Variants in CSGALNACT1 observed in about 807,000 individuals in gnomAD.
CSGALNACT1 encodes the protein chondroitin sulfate N-acetylgalactosaminyltransferase 1, also known as beta4GalNAcT-1.
Under a neutral mutation model 51.0 loss-of-function variants are expected in CSGALNACT1, and 52 were observed. The observed-to-expected ratio is 1.02, with a 90% CI of 0.82 to 1.29. The LOEUF (loss-of-function observed/expected upper bound fraction) is 1.29. Among genes scored for constraint, CSGALNACT1 ranks in the 50% most tolerant of loss-of-function variants. The pLI is 0.00. For synonymous variants in CSGALNACT1, 341 were observed against 254.4 expected, an observed-to-expected ratio of 1.34 and a Z score of -3.24; for missense variants, 935 against 679.2, an observed-to-expected ratio of 1.38 and a Z score of -4.19.
At chr8:19,663,908 G>A (rs2058971498) in intron 1 of CSGALNACT1, among the ~76,000 whole-genome samples, 1 of 152,194 alleles carries the variant, frequency 6.6e-6, no homozygotes, top group South Asian at 2.1e-4. Flanking sequence ...TCAGATGCCA[G>A]ACCCTGGCAG....
At chr8:19,455,948 C>T (rs2063998045) in intron 5 of CSGALNACT1, among the ~76,000 whole-genome samples, 1 of 152,216 alleles carries the variant, frequency 6.6e-6, no homozygotes, top group African/African-American at 2.4e-5. Context: ...ACAAGTCTTC[C>T]GCCACCCATC....
upstream of CSGALNACT1, among the ~76,000 whole-genome samples, chr8:19,606,606 C>G (rs1353392793): frequency 6.6e-6 from 1 of 152,154 alleles, no homozygotes; most frequent in African/African-American, 2.4e-5. Flanking sequence ...AAAAGAGGAT[C>G]TTGGTGTCCT....
chr8:19,674,583 C>T (rs1044271938), intron 1 of CSGALNACT1, among the ~76,000 whole-genome samples: 1 of 152,082 alleles, frequency 6.6e-6, no homozygotes, highest in Non-Finnish European at 1.5e-5. Flanking sequence ...GACCCTACCA[C>T]CGCAGAAGTC....
At chr8:19,514,501 ATATATATATACATG>A (rs2079111938) in intron 3 of CSGALNACT1, among the ~76,000 whole-genome samples, 1 of 137,842 alleles carries the variant, frequency 7.3e-6, no homozygotes. Context: ...ATATATATAT[ATATATATATACATG>A]TATCTATTTA....
chr8:19,655,759 A>T (rs2058217103), intron 1 of CSGALNACT1, among the ~76,000 whole-genome samples: 1 of 152,148 alleles, frequency 6.6e-6, no homozygotes, highest in African/African-American at 2.4e-5. Context: ...GTGAAAAGTG[A>T]AAAATTTTTT....
At chr8:19,485,785 T>TTTTGA (rs869188869) in intron 4 of CSGALNACT1, among the ~76,000 whole-genome samples, 1 of 141,382 alleles carries the variant, frequency 7.1e-6, no homozygotes. Context: ...TTTTTTTTTT[T>TTTTGA]GACAGAGTTT....
intron 4 of CSGALNACT1, among the ~76,000 whole-genome samples, chr8:19,471,770 G>C (rs971594132): frequency 3.3e-5 from 5 of 152,196 alleles, no homozygotes; most frequent in African/African-American, 1.2e-4. Context: ...GCTGAAGTGA[G>C]AAAACTCAAC....
intron 4 of CSGALNACT1, among the ~76,000 whole-genome samples, chr8:19,504,871 G>A (rs1394357686): frequency 6.6e-6 from 1 of 152,184 alleles, no homozygotes; most frequent in Non-Finnish European, 1.5e-5. Context: ...ACCAAGCTCA[G>A]TTACTAGAAG....
At chr8:19,458,519 T>G in exon 5 of CSGALNACT1, 2 of 1,614,204 alleles carry the variant, frequency 1.2e-6, no homozygotes, top group Non-Finnish European at 1.7e-6. Flanking sequence ...GAGCTTTTCA[T>G]TTTTCACTTT....
At chr8:19,712,066 T>C (rs2062541479) in intron 1 of CSGALNACT1, among the ~76,000 whole-genome samples, 1 of 152,006 alleles carries the variant, frequency 6.6e-6, no homozygotes. Flanking sequence ...CGCTCTGTCA[T>C]CCAGGCTGGA....
chr8:19,420,083 G>A (rs1253660694), intron 7 of CSGALNACT1, among the ~76,000 whole-genome samples: 1 of 152,172 alleles, frequency 6.6e-6, no homozygotes, highest in East Asian at 1.9e-4. Context: ...CTTCTTCCAT[G>A]ATTGTGAGGC....
intron 5 of CSGALNACT1, among the ~76,000 whole-genome samples, chr8:19,445,782 T>TA (rs1389867278): frequency 1.3e-5 from 2 of 152,242 alleles, no homozygotes; most frequent in African/African-American, 2.4e-5. Flanking sequence ...TTCCTCTAAA[T>TA]AATTCTGAGT....
chr8:19,750,772 A>T (rs558149998), intron 1 of CSGALNACT1, among the ~76,000 whole-genome samples: 1 of 152,284 alleles, frequency 6.6e-6, no homozygotes, highest in East Asian at 1.9e-4. Context: ...ACCTTCATAG[A>T]ACAGGTGCAT....
At chr8:19,512,158 G>A (rs887766448) in intron 3 of CSGALNACT1, among the ~76,000 whole-genome samples, 2 of 152,310 alleles carry the variant, frequency 1.3e-5, no homozygotes, top group South Asian at 2.1e-4. Flanking sequence ...TGTCTTGGGT[G>A]CCCTCTCTCC....
intron 3 of CSGALNACT1, among the ~76,000 whole-genome samples, chr8:19,565,638 G>A (rs1343676451): frequency 6.6e-6 from 1 of 152,122 alleles, no homozygotes; most frequent in African/African-American, 2.4e-5. Flanking sequence ...AGAACTTCAG[G>A]CCGGGCACAG....
rs544325058 is a variant in CSGALNACT1, at chr8:19,443,016, C to T, written c.852-3085G>A. Among the ~76,000 whole-genome samples the T allele has an allele frequency of 5.3e-5, 8 of 152,276 alleles. No homozygotes were observed. In the South Asian group the frequency reaches 1.0e-3, roughly 20 times the overall value. On this transcript the variant is annotated intron_variant, in intron 5 of 9. Transcript: ENST00000454498. ...CCATTTCTCCTCTCCGTGACTCTAA[C>T]GATCCCAGGCACCGAGCACCTCATG...
chr8:19,589,467 G>C (rs575115095), intron 3 of CSGALNACT1, among the ~76,000 whole-genome samples: 3 of 152,108 alleles, frequency 2.0e-5, no homozygotes, highest in South Asian at 2.1e-4. Context: ...CTGGTACTAC[G>C]GGAGTGCACC....
intron 1 of CSGALNACT1, among the ~76,000 whole-genome samples, chr8:19,679,162 G>A (rs1462679745): frequency 6.6e-6 from 1 of 152,146 alleles, no homozygotes; most frequent in Non-Finnish European, 1.5e-5. Flanking sequence ...AAAGCCATAA[G>A]AAACTTCCTC....
At chr8:19,491,458 T>C (rs1051492069) in intron 4 of CSGALNACT1, among the ~76,000 whole-genome samples, 1 of 152,202 alleles carries the variant, frequency 6.6e-6, no homozygotes, top group Non-Finnish European at 1.5e-5. Flanking sequence ...ATAGAAACAG[T>C]TTATGCTCTT....
Sources: allele counts gnomAD v4.1 joint callset (sites outside exome capture counted in the v4.1 genomes callset), GRCh38; gene constraint gnomAD v4.1.1; transcripts MANE v1.5; gene names NCBI Gene and HGNC (gene_info 2026-07-23, HGNC 2026-07-21).